Variants in ARHGEF28 observed in about 807,000 individuals in gnomAD.
ARHGEF28 encodes the protein Rho guanine nucleotide exchange factor 28.
In ARHGEF28, 152 loss-of-function variants were observed where a neutral mutation model predicts 206.6. That is an observed-to-expected ratio of 0.74 (90% CI 0.64 to 0.84). The LOEUF (loss-of-function observed/expected upper bound fraction) is 0.84, where lower values mean the gene tolerates loss of function less well. Among genes scored for constraint, ARHGEF28 ranks in the 40% least tolerant of loss-of-function variants. The pLI, the probability that ARHGEF28 is intolerant of heterozygous loss-of-function variation, is 0.00. For synonymous variants in ARHGEF28, 763 were observed against 776.4 expected (o/e 0.98, Z 0.29); for missense variants, 2,028 against 2,073.2 (o/e 0.98, Z 0.42).
intron 13 of ARHGEF28, among the ~76,000 whole-genome samples, chr5:73,852,099 G>T (rs1758737918): frequency 6.6e-6 from 1 of 151,854 alleles, no homozygotes; most frequent in African/African-American, 2.4e-5. Context: ...CTCCCTTCTG[G>T]CCCCCTCCAC....
chr5:73,809,810 C>T (rs548507276), intron 9 of ARHGEF28, among the ~76,000 whole-genome samples: 3 of 152,018 alleles, frequency 2.0e-5, no homozygotes, highest in African/African-American at 7.2e-5. Context: ...CACATTCAGG[C>T]GAATGTATCT....
chr5:73,719,548 C>A (rs1049450537), intron 2 of ARHGEF28, among the ~76,000 whole-genome samples: 1 of 152,032 alleles, frequency 6.6e-6, no homozygotes, highest in Non-Finnish European at 1.5e-5. Flanking sequence ...CTTTTCCTTT[C>A]TGCAGCAACA....
intron 10 of ARHGEF28, among the ~76,000 whole-genome samples, chr5:73,833,621 G>T (rs139337800): frequency 1.3e-5 from 2 of 152,184 alleles, no homozygotes; most frequent in Non-Finnish European, 2.9e-5. Flanking sequence ...GTTCTGAGGA[G>T]ATTTTCAAGA....
chr5:73,889,999 C>T (rs930060187), intron 26 of ARHGEF28, among the ~76,000 whole-genome samples: 8 of 152,130 alleles, frequency 5.3e-5, no homozygotes, highest in South Asian at 4.1e-4. Flanking sequence ...TGTTAAATGC[C>T]GTGGCACAAA....
chr5:73,778,814 TG>T (rs1296856033), intron 6 of ARHGEF28, among the ~76,000 whole-genome samples: 1 of 152,202 alleles, frequency 6.6e-6, no homozygotes, highest in East Asian at 1.9e-4. Context: ...ATAAATATTA[TG>T]AGATTACATA....
intron 1 of ARHGEF28, among the ~76,000 whole-genome samples, chr5:73,658,624 C>T (rs1422102120): frequency 6.6e-6 from 1 of 151,978 alleles, no homozygotes; most frequent in African/African-American, 2.4e-5. Context: ...GAGGTGGGAT[C>T]TTAAGGATGG....
chr5:73,718,963 A>G (rs1456650037), intron 2 of ARHGEF28, among the ~76,000 whole-genome samples: 1 of 152,182 alleles, frequency 6.6e-6, no homozygotes, highest in Non-Finnish European at 1.5e-5. Context: ...TGACGCAAGA[A>G]CAGCCTCCCC....
Position 73,885,926 on chromosome 5 carries a change from A to C in ARHGEF28, c.3132A>C (p.Lys1044Asn). The C allele has an allele frequency of 6.2e-7, 1 of 1,613,730 alleles. No homozygotes were observed. Reference protein sequence around the residue: ...IKDMIATVDLKVNEYEKNQKW... With the variant: ...IKDMIATVDLNVNEYEKNQKW... ...ACATGATTGCAACAGTGGATTTAAA[A>C]GTCAATGAATATGAGAAAAACCAAA... Residue 1044 changes from lysine to asparagine, a missense_variant, in exon 25 of 36, where the codon AAA becomes AAC. By Grantham distance (94) the Lys-to-Asn change is moderately conservative (BLOSUM62 0). Transcript: ENST00000513042.
chr5:73,827,165 A>G (rs1373592775), intron 9 of ARHGEF28, among the ~76,000 whole-genome samples: 4 of 152,026 alleles, frequency 2.6e-5, no homozygotes, highest in East Asian at 3.9e-4. Flanking sequence ...TTCTCTTCAC[A>G]TTTTATGTTT....
intron 10 of ARHGEF28, among the ~76,000 whole-genome samples, chr5:73,833,067 T>G (rs1036764880): frequency 1.3e-5 from 2 of 152,228 alleles, no homozygotes; most frequent in Admixed American, 6.5e-5. Flanking sequence ...TTGAATGTGC[T>G]GGCATCTTCT....
chr5:73,857,564 TACACAC>T (rs4066802), intron 14 of ARHGEF28, 86 bp from the exon 15 acceptor site: 15,639 of 1,152,782 alleles, frequency 0.014, no homozygotes, highest in Admixed American at 0.018. Context: ...CATATATGTG[TACACAC>T]ACACACACAC....
chr5:73,728,620 A>G (rs1310171774), intron 2 of ARHGEF28, among the ~76,000 whole-genome samples: 2 of 152,234 alleles, frequency 1.3e-5, no homozygotes, highest in African/African-American at 4.8e-5. Flanking sequence ...TCAGCCACAG[A>G]GAGATGTTGT....
intron 2 of ARHGEF28, among the ~76,000 whole-genome samples, chr5:73,720,532 G>A (rs966641267): frequency 6.6e-6 from 1 of 152,108 alleles, no homozygotes. Context: ...AGAGTGTGGC[G>A]GGTTAGAAGG....
intron 22 of ARHGEF28, among the ~76,000 whole-genome samples, chr5:73,880,518 G>T (rs547836236): frequency 7.2e-4 from 109 of 152,332 alleles, no homozygotes; most frequent in African/African-American, 2.6e-3. Flanking sequence ...CGTCTTCTGC[G>T]TTGCTCACGC....
chr5:73,840,851 C>T, intron 11 of ARHGEF28, 91 bp downstream of exon 11: 1 of 1,335,832 alleles, frequency 7.5e-7, no homozygotes, highest in South Asian at 1.5e-5. Context: ...TTTTTATTGT[C>T]TCTACCACTT....
At chr5:73,649,446 T>C (rs964036376) in intron 1 of ARHGEF28, among the ~76,000 whole-genome samples, 17 of 152,292 alleles carry the variant, frequency 1.1e-4, no homozygotes, top group African/African-American at 3.8e-4. Flanking sequence ...ATTCTGAGTA[T>C]TGGAAAAACT....
At chr5:73,640,476 C>G (rs1744004764) in intron 1 of ARHGEF28, among the ~76,000 whole-genome samples, 1 of 152,162 alleles carries the variant, frequency 6.6e-6, no homozygotes, top group African/African-American at 2.4e-5. Context: ...ATCATATACT[C>G]TGTTTAAGCC....
rs573769791 is a variant in ARHGEF28 at position 73,860,777 on chromosome 5, TA to T, written c.2047+2559del. ...TAAACTTAAGGACCTCTCTTGTGTT[TA>T]CTGGGCTAAGTCCAAGCTCTTCCCA... is the stretch of plus-strand genomic sequence containing the variant. On this transcript the variant is annotated intron_variant, in intron 16 of 35. Coordinates refer to ENST00000513042, the MANE Select transcript of ARHGEF28 (RefSeq NM_001177693.2). 2.6e-4 allele frequency among the ~76,000 whole-genome samples: 40 copies of T among 152,330 alleles called. No homozygotes were observed. In the South Asian group the frequency reaches 7.5e-3, roughly 28 times the overall value.
chr5:73,885,440 G>A (rs530837768), intron 24 of ARHGEF28, among the ~76,000 whole-genome samples: 1 of 151,430 alleles, frequency 6.6e-6, no homozygotes, highest in Non-Finnish European at 1.5e-5. Context: ...TTTTTTTGGT[G>A]GGGGGGTGGT....
Sources: gnomAD v4.1 joint callset for allele counts (sites outside exome capture counted in the v4.1 genomes callset) on GRCh38, gnomAD v4.1.1 for gene constraint, MANE v1.5 for transcripts, NCBI Gene and HGNC (gene_info 2026-07-23, HGNC 2026-07-21) for gene names.